STARD13: variants seen among roughly 807,000 people sequenced by gnomAD.
STARD13 encodes the protein StAR related lipid transfer domain containing 13.
STARD13 carries 62 observed loss-of-function variants against 106.4 expected under a neutral mutation model. The observed-to-expected ratio is 0.58, with a 90% CI of 0.48 to 0.72. The LOEUF is 0.72. Ranked by LOEUF, STARD13 falls within the 30% of genes least tolerant of loss-of-function variation. STARD13 has a pLI of 0.00. For missense variants in STARD13, 1,387 were observed against 1,424.0 expected (o/e 0.97, Z 0.42); for synonymous variants, 565 against 553.0 (o/e 1.02, Z -0.31).
intron 1 of STARD13, among the ~76,000 whole-genome samples, chr13:33,193,082 A>G (rs1886364051): frequency 6.6e-6 from 1 of 152,202 alleles, no homozygotes; most frequent in Admixed American, 6.5e-5. Context: ...AGCTTTTAAA[A>G]CATCTTTTTA....
chr13:33,533,585 A>G, the STARD13 span, among the ~76,000 whole-genome samples: 1 of 152,140 alleles, frequency 6.6e-6, no homozygotes, highest in African/African-American at 2.4e-5. Flanking sequence ...TCACCCTATC[A>G]AGTTGTTTCC....
At chr13:33,559,455 C>G in the STARD13 span, among the ~76,000 whole-genome samples, 5 of 151,410 alleles carry the variant, frequency 3.3e-5, no homozygotes, top group African/African-American at 1.2e-4. Context: ...ATATAGAAGC[C>G]CTAACTCCCA....
the STARD13 span, among the ~76,000 whole-genome samples, chr13:33,621,604 C>T: frequency 6.8e-6 from 1 of 146,300 alleles, no homozygotes; most frequent in African/African-American, 2.6e-5. Context: ...GGCGTGAACC[C>T]GGGAGGCAGA....
At chr13:33,589,151 T>C in the STARD13 span, among the ~76,000 whole-genome samples, 1 of 152,222 alleles carries the variant, frequency 6.6e-6, no homozygotes, top group Non-Finnish European at 1.5e-5. Context: ...ATATCCCCTT[T>C]ATCATTTTTT....
chr13:33,530,233 C>G, the STARD13 span, among the ~76,000 whole-genome samples: 1 of 151,772 alleles, frequency 6.6e-6, no homozygotes. Flanking sequence ...AGGTGAACAA[C>G]TCTTTAACCA....
In STARD13 at chr13:33,130,203, G is replaced by A. The variant is rs1219662704; in HGVS notation, c.474C>T (p.Asp158=). ...CTCCTCGAGGGAGCAGCGTGTAGAG[G>A]TCGTCCACACGAGACCACCTGCGAC... ...RTSRRWSRVD[D]LYTLLPRGDR... is the part of the protein sequence containing the mutation. Residue 158 remains aspartate, a synonymous_variant, in exon 5 of 14, where the codon GAC becomes GAT. Transcript: ENST00000336934. This position sits in a 1 kb window ranked among gnomAD's most constrained non-coding sequence, Gnocchi z 4.1. 1 of 1,612,372 alleles carries A rather than the reference G, an allele frequency of 6.2e-7. No homozygotes were observed. The highest frequency in any genetic ancestry group is 1.6e-4 in the Middle Eastern group (1 of 6,062).
the STARD13 span, among the ~76,000 whole-genome samples, chr13:33,579,308 C>T: frequency 6.6e-6 from 1 of 152,040 alleles, no homozygotes; most frequent in Admixed American, 6.6e-5. Context: ...TGGAATACTA[C>T]TCAGCCACAA....
At chr13:33,284,251 T>C (rs1891943805) in intron 1 of STARD13, among the ~76,000 whole-genome samples, 1 of 152,214 alleles carries the variant, frequency 6.6e-6, no homozygotes, top group Non-Finnish European at 1.5e-5. Flanking sequence ...AACTAGTTCC[T>C]GAACCTTTAC....
rs575431015 is a variant in STARD13, at chr13:33,239,747, GTGT to G, written c.169+45720_169+45722del. Among the ~76,000 whole-genome samples, 7 of 152,100 alleles carry G rather than the reference GTGT, an allele frequency of 4.6e-5. No individual in the cohort carries two copies. In the East Asian group the frequency reaches 1.2e-3, roughly 25 times the overall value. ...TGTTTTTAAATCAGGCAATTTGTTT[GTGT>G]TGTTGTTGTTAAGTTGTAGAAGTTC... On this transcript the variant is annotated intron_variant, in intron 1 of 13. Transcript: ENST00000336934.
chr13:33,609,105 A>AAAAAAAAAAAAAAAAAAAAAG, the STARD13 span, among the ~76,000 whole-genome samples: 32 of 133,164 alleles, frequency 2.4e-4, 1 homozygote, highest in African/African-American at 7.7e-4. Context: ...AAAAAAAAAA[A>AAAAAAAAAAAAAAAAAAAAAG]AAATATTGAT....
the STARD13 span, among the ~76,000 whole-genome samples, chr13:33,567,349 A>AT: frequency 1.3e-5 from 2 of 148,670 alleles, no homozygotes; most frequent in South Asian, 4.3e-4. Context: ...GATCTTAGTA[A>AT]AAGTAATGAA....
the STARD13 span, among the ~76,000 whole-genome samples, chr13:33,507,311 A>G: frequency 1.3e-5 from 2 of 152,284 alleles, no homozygotes; most frequent in African/African-American, 4.8e-5. Flanking sequence ...ACTCTTCTCA[A>G]TAATTCTTTT....
At chr13:33,416,367 G>A in the STARD13 span, among the ~76,000 whole-genome samples, 2 of 152,212 alleles carry the variant, frequency 1.3e-5, no homozygotes, top group Non-Finnish European at 2.9e-5. Flanking sequence ...TGGTAAGATT[G>A]AGTAGGAGTT....
chr13:33,464,790 A>C, the STARD13 span, among the ~76,000 whole-genome samples: 1 of 152,156 alleles, frequency 6.6e-6, no homozygotes, highest in African/African-American at 2.4e-5. Flanking sequence ...CGGAGGTTGC[A>C]GTGAGCTAAG....
At chr13:33,165,171 C>T (rs1438473686) in intron 3 of STARD13, among the ~76,000 whole-genome samples, 166 bp downstream of exon 3, 1 of 152,154 alleles carries the variant, frequency 6.6e-6, no homozygotes, top group Non-Finnish European at 1.5e-5. Flanking sequence ...AAAACACAAA[C>T]TGATCATGCT....
chr13:33,118,035 G>A (rs775127549), intron 8 of STARD13, 30 bp downstream of exon 8: 46 of 1,610,880 alleles, frequency 2.9e-5, no homozygotes, highest in Middle Eastern at 1.6e-4. Flanking sequence ...GGATGCCCAC[G>A]AGAACACCAA....
At chr13:33,469,394 C>G in the STARD13 span, among the ~76,000 whole-genome samples, 1 of 152,074 alleles carries the variant, frequency 6.6e-6, no homozygotes, top group Non-Finnish European at 1.5e-5. Context: ...GTTTCTCTGC[C>G]TTTAGATTCG....
At chr13:33,208,496 A>G (rs961450696) in intron 1 of STARD13, among the ~76,000 whole-genome samples, 2 of 152,174 alleles carry the variant, frequency 1.3e-5, no homozygotes, top group Non-Finnish European at 2.9e-5. Flanking sequence ...GGAACCATAT[A>G]TGGGATGGCC....
chr13:33,165,506 A>G, intron 2 of STARD13, 88 bp from the exon 3 acceptor site: 1 of 983,756 alleles, frequency 1.0e-6, no homozygotes, highest in Non-Finnish European at 1.6e-6. Flanking sequence ...TGTAAAAGCC[A>G]CTGATTTTAA....
Sources: gnomAD v4.1 joint callset for allele counts (sites outside exome capture counted in the v4.1 genomes callset) on GRCh38, gnomAD v4.1.1 for gene constraint, Gnocchi (gnomAD v3.1) non-coding constraint, MANE v1.5 for transcripts, NCBI Gene and HGNC (gene_info 2026-07-23, HGNC 2026-07-21) for gene names.